The following ODAD2 variants were observed in gnomAD, a reference collection of about 807,000 sequenced individuals.
ODAD2 encodes the protein outer dynein arm-docking complex subunit 2.
In ODAD2, 89 loss-of-function variants were observed where a neutral mutation model predicts 106.8. That is an observed-to-expected ratio of 0.83 (90% CI 0.70 to 0.99). The LOEUF (loss-of-function observed/expected upper bound fraction) is 0.99, where lower values mean the gene tolerates loss of function less well. Ranked by LOEUF, ODAD2 falls within the 50% of genes least tolerant of loss-of-function variation. The pLI is 0.00. For synonymous variants in ODAD2, 404 were observed against 436.2 expected, an observed-to-expected ratio of 0.93 and a Z score of 0.92; for missense variants, 1,168 against 1,238.5, an observed-to-expected ratio of 0.94 and a Z score of 0.85.
chr10:27,909,889 T>C (rs181145937), intron 16 of ODAD2, among the ~76,000 whole-genome samples: 95 of 148,140 alleles, frequency 6.4e-4, no homozygotes, highest in African/African-American at 2.3e-3. Flanking sequence ...AAGAACATGA[T>C]TGAAAAACAT....
At chr10:27,928,819 A>G (rs78953108) in intron 16 of ODAD2, among the ~76,000 whole-genome samples, 1 of 152,116 alleles carries the variant, frequency 6.6e-6, no homozygotes, top group Admixed American at 6.6e-5. Context: ...ATTTACACAC[A>G]GCACTTATTA....
At position 27,944,235 on chromosome 10, in the gene ODAD2, C is replaced by T. The variant is rs763869311; in HGVS notation, c.1730G>A (p.Gly577Asp). The change falls in exon 12 of 20, where the codon GGT (glycine) becomes GAT (aspartate). Residue 577 changes from glycine to aspartate, a missense_variant. This residue lies in a region of ODAD2 where 701 missense variants were observed against 712.3 expected (regional missense o/e 0.98). Transcript: ENST00000305242. ...RARRVVRQHGGITKLVALLDC... is the reference protein window; with the variant it reads ...RARRVVRQHGDITKLVALLDC... ...ACGGCTACTCACCAGTTTGGTGATA[C>T]CCCCGTGCTGCCTCACCACCCGCCG... is the stretch of plus-strand genomic sequence containing the variant. 2 of 1,612,080 alleles carry T rather than the reference C, an allele frequency of 1.2e-6. No homozygotes were observed. The highest frequency in any genetic ancestry group is 1.1e-5 in the South Asian group (1 of 90,860).
At chr10:27,978,877 T>A (rs1189360943) in intron 7 of ODAD2, among the ~76,000 whole-genome samples, 1 of 151,860 alleles carries the variant, frequency 6.6e-6, no homozygotes, top group Non-Finnish European at 1.5e-5. Flanking sequence ...ACAGCTAACA[T>A]CAGGCTCAAT....
intron 17 of ODAD2, among the ~76,000 whole-genome samples, chr10:27,881,690 G>A (rs890967821): frequency 1.3e-5 from 2 of 152,030 alleles, no homozygotes; most frequent in African/African-American, 2.4e-5. Context: ...ACTATTATTA[G>A]ATAATAATTC....
chr10:27,861,189 A>G (rs1840017331), intron 18 of ODAD2, among the ~76,000 whole-genome samples: 1 of 152,132 alleles, frequency 6.6e-6, no homozygotes, highest in Non-Finnish European at 1.5e-5. Flanking sequence ...AAGGGGTTTC[A>G]CCATGTTGGC....
chr10:27,890,267 AAT>A (rs1842473568), intron 17 of ODAD2, among the ~76,000 whole-genome samples: 1 of 152,182 alleles, frequency 6.6e-6, no homozygotes, highest in Non-Finnish European at 1.5e-5. Flanking sequence ...TGTCTGAGTC[AAT>A]GAATTTTGAC....
chr10:27,997,308 A>G (rs1211430580), intron 1 of ODAD2, among the ~76,000 whole-genome samples: 1 of 152,332 alleles, frequency 6.6e-6, no homozygotes, highest in East Asian at 1.9e-4. Context: ...TCAGTGTAAA[A>G]TAGTGTGAAA....
intron 10 of ODAD2, among the ~76,000 whole-genome samples, chr10:27,955,541 A>G (rs1847664328): frequency 6.6e-6 from 1 of 152,164 alleles, no homozygotes; most frequent in Admixed American, 6.5e-5. Flanking sequence ...CACCAATGAA[A>G]CAAGGATCAA....
chr10:27,820,784 T>A (rs999917144), intron 19 of ODAD2, among the ~76,000 whole-genome samples: 2 of 137,470 alleles, frequency 1.5e-5, no homozygotes, highest in African/African-American at 5.7e-5. Flanking sequence ...CAACTTTTTT[T>A]TTTTTTTTTT....
intron 16 of ODAD2, among the ~76,000 whole-genome samples, chr10:27,923,001 G>C (rs769368267): frequency 2.9e-4 from 44 of 151,500 alleles, no homozygotes; most frequent in Admixed American, 2.0e-4. Context: ...GAGGACACTG[G>C]AAAAATTTAT....
chr10:27,841,095 TTGAC>T lies in ODAD2; in HGVS notation c.3021+19526_3021+19529del, dbSNP rs377482433. On this transcript the variant is annotated intron_variant, in intron 19 of 19. Coordinates refer to ENST00000305242, the MANE Select transcript of ODAD2 (RefSeq NM_018076.5). ...GTAACATATATATGAGCTATTTATA[TTGAC>T]TATTTGCTAGTGTAATTATTAAGCC... 1.3e-3 allele frequency among the ~76,000 whole-genome samples: 191 copies of T among 152,350 alleles called. 2 individuals carry two copies. Among genetic ancestry groups the T allele is most frequent in the East Asian group, 0.01 (54 of 5,188 alleles).
intron 16 of ODAD2, among the ~76,000 whole-genome samples, chr10:27,913,836 GA>G (rs1844178801): frequency 6.6e-6 from 1 of 152,134 alleles, no homozygotes; most frequent in African/African-American, 2.4e-5. Context: ...AAAAATAACA[GA>G]TGCTGGCAAG....
intron 11 of ODAD2, 29 bp downstream of exon 11, chr10:27,944,787 T>C (rs777018110): frequency 6.2e-7 from 1 of 1,613,766 alleles, no homozygotes; most frequent in Non-Finnish European, 8.5e-7. Flanking sequence ...GGAACAAGAC[T>C]CCGCATCCAA....
At position 27,895,968 on chromosome 10, in the gene ODAD2, G is replaced by A. The variant is rs187804336; in HGVS notation, c.2610+11695C>T. ...CCTGAAAAATAGGACCTTTTAAGAA[G>A]AAACAGCCTTGCAAATCAGGCCACT... is the stretch of plus-strand genomic sequence containing the variant. On this transcript the variant is annotated intron_variant, in intron 17 of 19. Coordinates refer to ENST00000305242, the MANE Select transcript of ODAD2 (RefSeq NM_018076.5). Among the ~76,000 whole-genome samples the A allele has an allele frequency of 3.2e-3, 481 of 152,226 alleles. 1 individual carries two copies. The highest frequency in any genetic ancestry group is 0.011 in the African/African-American group (468 of 41,544).
At chr10:27,849,311 CA>C (rs1839059487) in intron 19 of ODAD2, among the ~76,000 whole-genome samples, 1 of 150,120 alleles carries the variant, frequency 6.7e-6, no homozygotes, top group African/African-American at 2.5e-5. Context: ...AACAGAAAAC[CA>C]AAGACTGCAT....
intron 9 of ODAD2, among the ~76,000 whole-genome samples, chr10:27,961,981 C>T (rs1413865007): frequency 2.6e-5 from 4 of 152,130 alleles, no homozygotes; most frequent in Non-Finnish European, 5.9e-5. Context: ...GCAGGAGGAT[C>T]ACTTCAGCCC....
In ODAD2 at chr10:27,985,216, CAAAA is replaced by C. The variant is rs10599433; in HGVS notation, c.383-9_383-6del. The C allele has an allele frequency of 7.0e-5, 87 of 1,235,094 alleles. No homozygotes were observed. Among genetic ancestry groups the C allele is most frequent in the Middle Eastern group, 2.9e-4 (1 of 3,434 alleles). The allele number at this position is 1,235,094 out of a possible 1,614,324, so 76.5% of individuals were successfully genotyped here. A position where few individuals can be genotyped will look rare whatever the true frequency, so the allele number is the denominator to read the frequency against. On this transcript the variant is annotated splice_polypyrimidine_tract_variant and splice_region_variant and intron_variant, in intron 3 of 19. Coordinates refer to ENST00000305242, the MANE Select transcript of ODAD2 (RefSeq NM_018076.5). ...TTACTATGGGGTCTCTGTTAGCTGC[CAAAA>C]AAAAAAAAAAGGAGACAAATAAAAA...
At chr10:27,974,174 TAA>T (rs1849038861) in intron 7 of ODAD2, among the ~76,000 whole-genome samples, 2 of 152,230 alleles carry the variant, frequency 1.3e-5, no homozygotes, top group Non-Finnish European at 2.9e-5. Flanking sequence ...TGCTGGATAT[TAA>T]ACCTTTGTCA....
At chr10:27,816,791 CAG>C in intron 19 of ODAD2, among the ~76,000 whole-genome samples, 1 of 152,214 alleles carries the variant, frequency 6.6e-6, no homozygotes, top group African/African-American at 2.4e-5. Context: ...CTCTTTTGCC[CAG>C]GCTGGAGTGA....
Sources: gnomAD v4.1 joint callset for allele counts (sites outside exome capture counted in the v4.1 genomes callset) on GRCh38, gnomAD v4.1.1 for gene constraint, gnomAD v4.1.1 regional missense constraint, MANE v1.5 for transcripts, NCBI Gene and HGNC (gene_info 2026-07-23, HGNC 2026-07-21) for gene names.